Variants in CDH4 observed in about 807,000 individuals in gnomAD.
The protein encoded by CDH4 is cadherin 4, also known as cadherin-4.
Under a neutral mutation model 86.0 loss-of-function variants are expected in CDH4, and 33 were observed. The ratio of observed to expected loss-of-function variants is 0.38; its 90% confidence interval spans 0.29 to 0.51. CDH4 has a LOEUF of 0.51. Among genes scored for constraint, CDH4 ranks in the 20% least tolerant of loss-of-function variants. CDH4 has a pLI of 0.86. For synonymous variants in CDH4, 555 were observed against 549.4 expected, an observed-to-expected ratio of 1.01 and a Z score of -0.14; for missense variants, 1,114 against 1,307.4, an observed-to-expected ratio of 0.85 and a Z score of 2.28.
At chr20:61,511,381 C>G (rs1299969703) in intron 2 of CDH4, among the ~76,000 whole-genome samples, 2 of 152,246 alleles carry the variant, frequency 1.3e-5, no homozygotes, top group Non-Finnish European at 2.9e-5. Context: ...AGACCCTGCT[C>G]TGCACCCACT....
chr20:61,632,082 C>T (rs1350400622), intron 2 of CDH4, among the ~76,000 whole-genome samples: 1 of 152,242 alleles, frequency 6.6e-6, no homozygotes, highest in African/African-American at 2.4e-5. Flanking sequence ...CTGGCACACA[C>T]GTGTAGCCTC....
At chr20:61,743,266 T>A (rs1600937753) in intron 2 of CDH4, among the ~76,000 whole-genome samples, 2 of 152,350 alleles carry the variant, frequency 1.3e-5, no homozygotes, top group Admixed American at 1.3e-4. Flanking sequence ...TCCGGCTGAA[T>A]TCGGAGATAA....
intron 2 of CDH4, among the ~76,000 whole-genome samples, chr20:61,706,895 C>T (rs1033137353): frequency 2.6e-5 from 4 of 152,230 alleles, no homozygotes; most frequent in East Asian, 1.9e-4. Flanking sequence ...ATGCAATCCC[C>T]GCAGAGGGCT....
chr20:61,832,027 T>C (rs1328679578), intron 4 of CDH4, among the ~76,000 whole-genome samples: 2 of 152,130 alleles, frequency 1.3e-5, no homozygotes, highest in Admixed American at 6.6e-5. Flanking sequence ...TGCCCACTCA[T>C]CCTGCAAGTT....
intron 2 of CDH4, among the ~76,000 whole-genome samples, chr20:61,407,379 C>T (rs2085090163): frequency 6.6e-6 from 1 of 152,196 alleles, no homozygotes; most frequent in Non-Finnish European, 1.5e-5. Flanking sequence ...TTGATGCCAC[C>T]TTCACCTGTT....
intron 4 of CDH4, among the ~76,000 whole-genome samples, chr20:61,786,774 C>G (rs935635689): frequency 1.3e-5 from 2 of 152,222 alleles, no homozygotes; most frequent in Non-Finnish European, 2.9e-5. Context: ...GATGAGAGCT[C>G]AGGCACCTTC....
At chr20:61,870,693 C>G (rs7273175) in intron 6 of CDH4, among the ~76,000 whole-genome samples, 1,588 of 152,258 alleles carry the variant, frequency 0.01, 30 homozygotes, top group African/African-American at 0.037. Flanking sequence ...CTTTGACTTT[C>G]TGAACCAGAT....
intron 2 of CDH4, among the ~76,000 whole-genome samples, chr20:61,670,368 C>A (rs1356071254): frequency 6.6e-6 from 1 of 152,198 alleles, no homozygotes; most frequent in Non-Finnish European, 1.5e-5. Context: ...TTGGGAGTGA[C>A]TGTCATTGTC....
At chr20:61,884,188 T>C (rs1984430092) in intron 7 of CDH4, among the ~76,000 whole-genome samples, 1 of 152,090 alleles carries the variant, frequency 6.6e-6, no homozygotes, top group Admixed American at 6.5e-5. Context: ...GCAGAGGCTC[T>C]GGGCCACCAG....
intron 7 of CDH4, 132 bp downstream of exon 7, chr20:61,874,032 T>C (rs2146149561): frequency 1.1e-6 from 1 of 927,924 alleles, no homozygotes; most frequent in South Asian, 1.6e-5. Context: ...GGCACTCTCT[T>C]GCCATGGGAG....
intron 2 of CDH4, among the ~76,000 whole-genome samples, chr20:61,607,774 G>C (rs775629610): frequency 6.6e-6 from 1 of 152,218 alleles, no homozygotes; most frequent in Non-Finnish European, 1.5e-5. Flanking sequence ...TGATGCAAAG[G>C]TTGCCTTGGG....
At chr20:61,259,097 G>T (rs1308593454) in intron 2 of CDH4, among the ~76,000 whole-genome samples, 2 of 152,226 alleles carry the variant, frequency 1.3e-5, no homozygotes, top group African/African-American at 4.8e-5. Context: ...GATGGATGCT[G>T]AGTAGACCTT....
chr20:61,719,160 A>G (rs79396685), intron 2 of CDH4: 5,251 of 469,168 alleles, frequency 0.011, 224 homozygotes, highest in African/African-American at 0.094. Flanking sequence ...GCCACACATA[A>G]TTGTCAGCAT....
At chr20:61,826,224 G>A (rs1469946803) in intron 4 of CDH4, among the ~76,000 whole-genome samples, 2 of 152,288 alleles carry the variant, frequency 1.3e-5, no homozygotes, top group East Asian at 3.9e-4. Flanking sequence ...GGCCTCTTGG[G>A]CATAACCTAC....
chr20:61,522,400 C>T (rs926295563), intron 2 of CDH4, among the ~76,000 whole-genome samples: 4 of 152,202 alleles, frequency 2.6e-5, no homozygotes, highest in Admixed American at 6.5e-5. Flanking sequence ...CTCGTGACCT[C>T]GGTAACCATG....
At chr20:61,379,375 A>G (rs2145444675) in intron 2 of CDH4, among the ~76,000 whole-genome samples, 2 of 152,152 alleles carry the variant, frequency 1.3e-5, no homozygotes, top group East Asian at 1.9e-4. Context: ...TTGACAGACA[A>G]CCACGTAGAG....
chr20:61,285,070 C>T (rs1028595001), intron 2 of CDH4, among the ~76,000 whole-genome samples: 1 of 140,718 alleles, frequency 7.1e-6, no homozygotes, highest in Admixed American at 7.0e-5. Flanking sequence ...CCAGCCTTTC[C>T]TGTTTTTTTT....
At chr20:61,725,283 G>T (rs570145289) in intron 2 of CDH4, among the ~76,000 whole-genome samples, 46 of 152,234 alleles carry the variant, frequency 3.0e-4, no homozygotes, top group African/African-American at 1.1e-3. Context: ...GCCTTGCCCC[G>T]CACACACCTC....
At chr20:61,626,867 C>T (rs968835638) in intron 2 of CDH4, among the ~76,000 whole-genome samples, 4 of 152,166 alleles carry the variant, frequency 2.6e-5, no homozygotes, top group Non-Finnish European at 2.9e-5. Context: ...AGAGAATGAG[C>T]AACTCTAGAA....
Sources: allele counts gnomAD v4.1 joint callset (sites outside exome capture counted in the v4.1 genomes callset), GRCh38; gene constraint gnomAD v4.1.1; transcripts MANE v1.5; gene names NCBI Gene and HGNC (gene_info 2026-07-23, HGNC 2026-07-21).